The following NGEF variants were observed in gnomAD, a reference collection of about 807,000 sequenced individuals.
The protein encoded by NGEF is neuronal guanine nucleotide exchange factor, also known as ephexin-1.
In NGEF, 31 loss-of-function variants were observed where a neutral mutation model predicts 80.9. That is an observed-to-expected ratio of 0.38 (90% CI 0.29 to 0.52). NGEF has a LOEUF of 0.52. Among genes scored for constraint, NGEF ranks in the 20% least tolerant of loss-of-function variants. NGEF has a pLI of 0.84. For synonymous variants in NGEF, 371 were observed against 370.2 expected (o/e 1.00, Z -0.03); for missense variants, 709 against 926.2 (o/e 0.77, Z 3.04).
At chr2:232,906,049 C>T (rs1182797712) in intron 5 of NGEF, among the ~76,000 whole-genome samples, 18 of 134,432 alleles carry the variant, frequency 1.3e-4, no homozygotes, top group Non-Finnish European at 2.6e-4. Flanking sequence ...CCCGGCCAGC[C>T]GCCCCGTCCG....
At chr2:233,009,487 T>C (rs1372676633) in intron 1 of NGEF, among the ~76,000 whole-genome samples, 1 of 152,106 alleles carries the variant, frequency 6.6e-6, no homozygotes, top group Non-Finnish European at 1.5e-5. Flanking sequence ...CCGGTTCATA[T>C]ACCCATTTTT....
rs773961016 is a variant in NGEF at position 232,879,330 on chromosome 2, A to G, written c.*159T>C. On this transcript the variant is annotated 3_prime_UTR_variant, in exon 15 of 15. Transcript: ENST00000264051. ...GTTTGCGAGCAAGGGGCCAAGACAC[A>G]TGAGCACTCACTGCGTGGGCAGGGA... The G allele has an allele frequency of 3.0e-6, 2 of 675,980 alleles. No individual in the cohort carries two copies. The highest frequency in any genetic ancestry group is 1.9e-5 in the South Asian group (1 of 52,040). The allele number at this position is 675,980 out of a possible 1,614,324, so 41.9% of individuals were successfully genotyped here.
intron 11 of NGEF, 47 bp downstream of exon 11, chr2:232,883,934 C>T: frequency 6.5e-7 from 1 of 1,543,516 alleles, no homozygotes; most frequent in Non-Finnish European, 8.7e-7. Flanking sequence ...ATGCCCAACA[C>T]ACTCCTCTAC....
rs1691403812 is a variant in NGEF at position 232,879,277 on chromosome 2, C to T, written c.*212G>A. ...GAAACCTTCTTGTTTACAAATGCATCAGGAGAGGCTTGGGCACCCTTTATC... is the reference window on the plus strand; with the variant it reads ...GAAACCTTCTTGTTTACAAATGCATTAGGAGAGGCTTGGGCACCCTTTATC... On this transcript the variant is annotated 3_prime_UTR_variant, in exon 15 of 15. Transcript: ENST00000264051. 2 of 540,110 alleles carry T rather than the reference C, an allele frequency of 3.7e-6. No homozygotes were observed. The highest frequency in any genetic ancestry group is 5.8e-5 in the East Asian group (2 of 34,636). The allele number at this position is 540,110 out of a possible 1,614,324, so 33.5% of individuals were successfully genotyped here.
chr2:232,975,689 C>T (rs1574648310), intron 1 of NGEF, among the ~76,000 whole-genome samples: 1 of 152,196 alleles, frequency 6.6e-6, no homozygotes, highest in African/African-American at 2.4e-5. Context: ...GGTAGGGGTG[C>T]TCAGGGCGAG....
In NGEF at chr2:232,920,389, C is replaced by A; in HGVS notation, c.723G>T (p.Leu241=). The change falls in exon 5 of 15, where the codon CTG becomes CTT. Residue 241 remains leucine, a synonymous_variant. Coordinates refer to ENST00000264051, the MANE Select transcript of NGEF (RefSeq NM_019850.3). ...TGAACCTTGAGTGGGGGTTACTGAG[C>A]AGGCAGATCTGGGGCAGAGTCTTCC... The part of the protein sequence containing the change: ...PERKTLPQIC[L]LSNPHSRFNL... The A allele has an allele frequency of 1.2e-6, 2 of 1,614,108 alleles. No homozygotes were observed. Among genetic ancestry groups the A allele is most frequent in the Non-Finnish European group, 1.7e-6 (2 of 1,179,990 alleles).
intron 10 of NGEF, among the ~76,000 whole-genome samples, chr2:232,884,374 T>TGC (rs1276274758): frequency 6.6e-6 from 1 of 152,198 alleles, no homozygotes; most frequent in Non-Finnish European, 1.5e-5. Flanking sequence ...TGCGTGTGTG[T>TGC]GCTGTGCATG....
chr2:232,992,846 A>G (rs777717693), intron 1 of NGEF, among the ~76,000 whole-genome samples: 11 of 150,908 alleles, frequency 7.3e-5, no homozygotes, highest in Non-Finnish European at 1.5e-4. Flanking sequence ...AATTAGCTGG[A>G]TGTGGTGGCA....
chr2:232,975,693 G>T (rs1694277767), intron 1 of NGEF, among the ~76,000 whole-genome samples: 2 of 152,134 alleles, frequency 1.3e-5, no homozygotes, highest in Non-Finnish European at 1.5e-5. Context: ...GGGGTGCTCA[G>T]GGCGAGAGAC....
intron 1 of NGEF, among the ~76,000 whole-genome samples, chr2:232,995,737 CATATGCACAATATGT>C (rs1226853966): frequency 7.0e-6 from 1 of 142,772 alleles, no homozygotes; most frequent in African/African-American, 2.6e-5. Context: ...TATACATATA[CATATGCACAATATGT>C]ATATGTATTA....
intron 8 of NGEF, 42 bp downstream of exon 8, chr2:232,891,316 C>G (rs1210089346): frequency 6.2e-7 from 1 of 1,609,488 alleles, no homozygotes; most frequent in Middle Eastern, 1.7e-4. Flanking sequence ...CACAGCAAAG[C>G]CTGGGAAGCC....
intron 3 of NGEF, among the ~76,000 whole-genome samples, chr2:232,961,956 G>A (rs1371879034): frequency 6.6e-6 from 1 of 152,170 alleles, no homozygotes; most frequent in Non-Finnish European, 1.5e-5. Flanking sequence ...TGGCCCCCAA[G>A]AAAAGGATAA....
rs529729243 is a variant in NGEF, at chr2:232,898,377, G to A, written c.829-3461C>T. 1.2e-3 allele frequency among the ~76,000 whole-genome samples: 178 copies of A among 152,294 alleles called. 1 individual carries two copies. Among genetic ancestry groups the A allele is most frequent in the African/African-American group, 4.0e-3 (167 of 41,568 alleles). ...CTCTGTCCTGATCTTCAGGGCCAGG[G>A]GAAATGGCAGGTAGGGCCTTTCAGC... On this transcript the variant is annotated intron_variant, in intron 5 of 14. Transcript: ENST00000264051.
At chr2:232,899,289 G>C (rs531487146) in intron 5 of NGEF, among the ~76,000 whole-genome samples, 2 of 152,208 alleles carry the variant, frequency 1.3e-5, no homozygotes, top group South Asian at 2.1e-4. Flanking sequence ...CAGGGAATGC[G>C]CATGTAGCCT....
intron 3 of NGEF, 87 bp downstream of exon 3, chr2:232,970,127 C>T: frequency 1.7e-6 from 1 of 590,196 alleles, no homozygotes; most frequent in South Asian, 4.1e-5. Flanking sequence ...TAACATGACA[C>T]CCTCGTAACC....
Position 232,974,874 on chromosome 2 carries a change from G to T in NGEF, c.17C>A (p.Ser6Tyr). 6.2e-7 allele frequency: 1 copy of T among 1,613,660 alleles called. No homozygotes were observed. Among genetic ancestry groups the T allele is most frequent in the Non-Finnish European group, 8.5e-7 (1 of 1,179,928 alleles). Residue 6 changes from serine (S) to tyrosine (Y), a missense_variant, in exon 2 of 15, where the codon TCT (serine) becomes TAT (tyrosine). Transcript: ENST00000264051. ...CCTCCGGGTCTTTTCCAAATCTTCAGATTCCCTGGTCTCCATGGAAATAGA... is the reference window on the plus strand; with the variant it reads ...CCTCCGGGTCTTTTCCAAATCTTCATATTCCCTGGTCTCCATGGAAATAGA... METRESEDLEKTRRKS... is the reference protein window; with the variant it reads METREYEDLEKTRRKS...
intron 5 of NGEF, among the ~76,000 whole-genome samples, chr2:232,908,518 A>G (rs1018591821): frequency 1.3e-5 from 2 of 151,338 alleles, no homozygotes; most frequent in Admixed American, 6.6e-5. Flanking sequence ...AGTGAGTTTG[A>G]TTTTTTTTCT....
chr2:232,992,730 T>C (rs1694674962), intron 1 of NGEF, among the ~76,000 whole-genome samples: 1 of 151,986 alleles, frequency 6.6e-6, no homozygotes, highest in African/African-American at 2.4e-5. Flanking sequence ...CTCACATCTG[T>C]AATCCCAGCA....
chr2:232,923,310 C>T (rs1035595443), intron 4 of NGEF, among the ~76,000 whole-genome samples: 1 of 152,180 alleles, frequency 6.6e-6, no homozygotes, highest in Middle Eastern at 3.4e-3. Context: ...CTGAAGTCAC[C>T]CCATGGCAGA....
Sources: allele counts gnomAD v4.1 joint callset (sites outside exome capture counted in the v4.1 genomes callset), GRCh38; gene constraint gnomAD v4.1.1; transcripts MANE v1.5; gene names NCBI Gene and HGNC (gene_info 2026-07-23, HGNC 2026-07-21).